RGS6: variants seen among roughly 807,000 people sequenced by gnomAD.
RGS6 encodes the protein regulator of G-protein signaling 6.
Under a neutral mutation model 78.5 loss-of-function variants are expected in RGS6, and 30 were observed. That is an observed-to-expected ratio of 0.38 (90% confidence interval 0.29 to 0.52). The LOEUF is 0.52. Among genes scored for constraint, RGS6 ranks in the 20% least tolerant of loss-of-function variants. The pLI is 0.85. For synonymous variants in RGS6, 206 were observed against 206.0 expected, an observed-to-expected ratio of 1.00 and a Z score of 0.00; for missense variants, 495 against 609.7, an observed-to-expected ratio of 0.81 and a Z score of 1.98.
At chr14:71,945,365 G>T (rs994754048) in intron 1 of RGS6, among the ~76,000 whole-genome samples, 10 of 152,082 alleles carry the variant, frequency 6.6e-5, no homozygotes, top group African/African-American at 1.9e-4. Flanking sequence ...CATACTAATT[G>T]TTTAAGAACT....
chr14:72,295,780 A>G (rs1439789575), intron 2 of RGS6, among the ~76,000 whole-genome samples: 1 of 152,232 alleles, frequency 6.6e-6, no homozygotes, highest in East Asian at 1.9e-4. Flanking sequence ...TACACAAAGG[A>G]AACTGCTATT....
intron 2 of RGS6, among the ~76,000 whole-genome samples, chr14:72,069,377 C>A (rs2094315798): frequency 6.6e-6 from 1 of 152,128 alleles, no homozygotes; most frequent in South Asian, 2.1e-4. Flanking sequence ...GAAATTGTAG[C>A]ATGCATACTT....
chr14:72,144,197 A>G (rs1193361242), intron 2 of RGS6, among the ~76,000 whole-genome samples: 1 of 152,230 alleles, frequency 6.6e-6, no homozygotes, highest in Non-Finnish European at 1.5e-5. Flanking sequence ...TACAACTGTA[A>G]TAAATTGGCC....
the RGS6 span, among the ~76,000 whole-genome samples, chr14:72,617,133 G>C: frequency 1.3e-5 from 2 of 152,176 alleles, no homozygotes; most frequent in Non-Finnish European, 2.9e-5. Context: ...GGCTGAGATC[G>C]AACAGGGCTG....
At chr14:72,465,285 TGTG>T (rs964244561) in intron 6 of RGS6, among the ~76,000 whole-genome samples, 2 of 152,084 alleles carry the variant, frequency 1.3e-5, no homozygotes, top group South Asian at 2.1e-4. Context: ...ACTGGAGTAA[TGTG>T]GTCATGTTTG....
intron 2 of RGS6, among the ~76,000 whole-genome samples, chr14:72,256,514 G>T (rs865911943): frequency 6.6e-6 from 1 of 152,150 alleles, no homozygotes; most frequent in Non-Finnish European, 1.5e-5. Context: ...GACAATGGTT[G>T]GTTATCATTT....
intron 15 of RGS6, among the ~76,000 whole-genome samples, chr14:72,522,726 G>A (rs947215213): frequency 1.3e-5 from 2 of 151,858 alleles, no homozygotes; most frequent in South Asian, 2.1e-4. Context: ...ACTGTTCTTC[G>A]CTCATGGGAT....
intron 6 of RGS6, among the ~76,000 whole-genome samples, chr14:72,463,570 TA>T (rs879595163): frequency 6.6e-6 from 1 of 151,874 alleles, no homozygotes; most frequent in Non-Finnish European, 1.5e-5. Flanking sequence ...TGACCCCGCT[TA>T]CCCATTTGGA....
intron 2 of RGS6, among the ~76,000 whole-genome samples, chr14:72,109,975 G>C (rs1488368409): frequency 1.3e-5 from 2 of 152,186 alleles, no homozygotes; most frequent in Non-Finnish European, 2.9e-5. Context: ...TCATTACTAA[G>C]TGTCAAGAAA....
intron 2 of RGS6, among the ~76,000 whole-genome samples, chr14:72,299,825 T>C (rs7152452): frequency 0.049 from 7,482 of 152,298 alleles, 548 homozygotes; most frequent in African/African-American, 0.17. Context: ...TTAATGACTG[T>C]AGAATCTATA....
At chr14:72,453,532 C>T (rs1030297330) in intron 3 of RGS6, among the ~76,000 whole-genome samples, 8 of 135,614 alleles carry the variant, frequency 5.9e-5, no homozygotes, top group African/African-American at 1.4e-4. Flanking sequence ...AGGAGAATGG[C>T]GTGAACCCGG....
At chr14:72,589,909 G>A in the RGS6 span, among the ~76,000 whole-genome samples, 2,220 of 152,104 alleles carry the variant, frequency 0.015, 56 homozygotes, top group East Asian at 0.062. Context: ...CTCTCTGACT[G>A]AAGACTCAGC....
At chr14:71,878,302 G>A in the RGS6 span, among the ~76,000 whole-genome samples, 4 of 152,184 alleles carry the variant, frequency 2.6e-5, no homozygotes, top group African/African-American at 4.8e-5. Flanking sequence ...AGGCAGGCAG[G>A]CCTCCTTTAG....
intron 2 of RGS6, among the ~76,000 whole-genome samples, chr14:72,224,459 T>A (rs1172416121): frequency 5.8e-4 from 1 of 1,728 alleles, no homozygotes; most frequent in Non-Finnish European, 2.5e-3. Context: ...TGGGTGTGGG[T>A]TTTTTTTTTT....
At chr14:72,504,849 G>A (rs2096776934) in intron 13 of RGS6, among the ~76,000 whole-genome samples, 1 of 150,476 alleles carries the variant, frequency 6.6e-6, no homozygotes, top group Non-Finnish European at 1.5e-5. Context: ...CGCCTCCTGG[G>A]TTCAAGCAAT....
chr14:72,245,556 G>A lies in RGS6; in HGVS notation c.85-106539G>A, dbSNP rs531064374. ...GTTTGTGGCTTGAGAATGCCTTTAA[G>A]CAGTTTTCCTCCCTGGGCGGGCCAG... On this transcript the variant is annotated intron_variant, in intron 2 of 17. Transcript: ENST00000553525. 3.1e-4 allele frequency among the ~76,000 whole-genome samples: 47 copies of A among 152,376 alleles called. 1 individual carries two copies. Among genetic ancestry groups the A allele is most frequent in the African/African-American group, 1.1e-3 (44 of 41,596 alleles).
intron 2 of RGS6, among the ~76,000 whole-genome samples, chr14:72,216,172 GAGCTAGTTTGTTTCATGGAGGT>G (rs1292446098): frequency 6.6e-5 from 10 of 152,216 alleles, no homozygotes; most frequent in African/African-American, 2.2e-4. Context: ...GTGGACTTCA[GAGCTAGTTTGTTTCATGGAGGT>G]AGCTAGTTTG....
At chr14:72,051,476 A>G (rs1189748329) in intron 2 of RGS6, among the ~76,000 whole-genome samples, 1 of 152,206 alleles carries the variant, frequency 6.6e-6, no homozygotes, top group Non-Finnish European at 1.5e-5. Flanking sequence ...AATAAGGCAA[A>G]AAATATTAGT....
At chr14:71,988,214 G>C (rs1029151106) in intron 2 of RGS6, among the ~76,000 whole-genome samples, 7 of 152,122 alleles carry the variant, frequency 4.6e-5, no homozygotes, top group Non-Finnish European at 7.3e-5. Flanking sequence ...GAGCGAGCAG[G>C]GGGTGAGCAT....
Sources: allele counts gnomAD v4.1 joint callset (sites outside exome capture counted in the v4.1 genomes callset), GRCh38; gene constraint gnomAD v4.1.1; transcripts MANE v1.5; gene names NCBI Gene and HGNC (gene_info 2026-07-23, HGNC 2026-07-21).